Variants in HERC1 observed in about 807,000 individuals in gnomAD.
HERC1 encodes probable E3 ubiquitin-protein ligase HERC1.
A neutral mutation model predicts 554.3 loss-of-function variants in HERC1; 160 were observed. That is an observed-to-expected ratio of 0.29 (90% confidence interval 0.25 to 0.33). HERC1 has a LOEUF of 0.33. HERC1 is among the 10% of genes least tolerant of loss of function. The pLI is 1.00. For synonymous variants in HERC1, 2,175 were observed against 2,131.7 expected (o/e 1.02, Z -0.56); for missense variants, 4,919 against 5,918.5 (o/e 0.83, Z 5.54).
chr15:63,729,094 C>A, intron 16 of HERC1, 142 bp downstream of exon 16: 1 of 792,774 alleles, frequency 1.3e-6, no homozygotes, highest in African/African-American at 1.7e-5. Flanking sequence ...TACCCCCAAA[C>A]CAAGACTAAA....
At position 63,649,788 on chromosome 15, in the gene HERC1, T is replaced by A; in HGVS notation, c.10684A>T (p.Ile3562Phe). The change falls in exon 54 of 78, where the codon ATT becomes TTT. Residue 3562 changes from isoleucine to phenylalanine, a missense_variant. This residue lies in a region of HERC1 where 1,963 missense variants were observed against 2,228.6 expected (regional missense o/e 0.88). Transcript: ENST00000443617. ...VGRMDGSLGL[I>F]EVVDVSTMHR... ...ATGGTGGACACATCAACAACTTCAATCAGTCCCAGAGATCCATCCATCCGT... is the reference window on the plus strand; with the variant it reads ...ATGGTGGACACATCAACAACTTCAAACAGTCCCAGAGATCCATCCATCCGT... The A allele has an allele frequency of 6.2e-7, 1 of 1,613,680 alleles. No individual in the cohort carries two copies. The highest frequency in any genetic ancestry group is 8.5e-7 in the Non-Finnish European group (1 of 1,179,802).
chr15:63,713,627 G>A lies in HERC1; in HGVS notation c.4189C>T (p.Arg1397Cys), dbSNP rs759913014. 31 of 1,612,464 alleles carry A rather than the reference G, an allele frequency of 1.9e-5. No homozygotes were observed. Among genetic ancestry groups the A allele is most frequent in the African/African-American group, 8.0e-5 (6 of 74,852 alleles). The stretch of plus-strand genomic sequence containing the variant: ...TTCATTCTATCTCGGTCTCGGCTAC[G>A]AGCTACTTCACGGGCTGAGAGGAAA... ...QCFLSAREVA[R>C]SRDRDRMNSG... is the part of the protein sequence containing the mutation. Residue 1397 changes from arginine (R) to cysteine (C), a missense_variant, in exon 23 of 78, where the codon CGT (arginine) becomes TGT (cysteine). Arg to Cys is a radical substitution (Grantham distance 180, BLOSUM62 -3). Transcript: ENST00000443617.
intron 12 of HERC1, among the ~76,000 whole-genome samples, chr15:63,740,931 T>A (rs967946611): frequency 2.0e-5 from 3 of 152,220 alleles, no homozygotes; most frequent in African/African-American, 7.2e-5. Context: ...TTTGATGATG[T>A]CCAATTTATT....
chr15:63,672,410 G>A (rs978945596), intron 39 of HERC1, 86 bp downstream of exon 39: 105 of 865,858 alleles, frequency 1.2e-4, no homozygotes, highest in Non-Finnish European at 1.7e-4. Flanking sequence ...CCAAGATTCA[G>A]TTGGGCATAC....
intron 44 of HERC1, 22 bp downstream of exon 44, chr15:63,662,961 GC>G: frequency 6.3e-7 from 1 of 1,582,132 alleles, no homozygotes; most frequent in Non-Finnish European, 8.7e-7. Flanking sequence ...AGTCAGAGCA[GC>G]CCCCGCTGCA....
chr15:63,685,421 A>C (rs1165130124), intron 34 of HERC1, among the ~76,000 whole-genome samples: 1 of 152,248 alleles, frequency 6.6e-6, no homozygotes, highest in Non-Finnish European at 1.5e-5. Flanking sequence ...GGCAACACAT[A>C]TACCCTAAGG....
At position 63,661,905 on chromosome 15, in the gene HERC1, T is replaced by C; in HGVS notation, c.9018A>G (p.Ala3006=). Residue 3006 remains alanine (A), a synonymous_variant, in exon 45 of 78, where the codon GCA becomes GCG. Coordinates refer to ENST00000443617, the MANE Select transcript of HERC1 (RefSeq NM_003922.4). The part of the protein sequence containing the change: ...KRNHPGCGRS[A]NRQGYRSNGS... ...CATTGCTGCGATAGCCCTGGCGGTTTGCACTGCGCCCACAGCCTGGATGGT... is the reference window on the plus strand; with the variant it reads ...CATTGCTGCGATAGCCCTGGCGGTTCGCACTGCGCCCACAGCCTGGATGGT... 1 of 1,614,034 alleles carries C rather than the reference T, an allele frequency of 6.2e-7. No individual in the cohort carries two copies. Among genetic ancestry groups the C allele is most frequent in the Non-Finnish European group, 8.5e-7 (1 of 1,179,898 alleles).
At chr15:63,821,640 C>T (rs1030662509) in intron 1 of HERC1, among the ~76,000 whole-genome samples, 1 of 143,188 alleles carries the variant, frequency 7.0e-6, no homozygotes, top group Non-Finnish European at 1.5e-5. Flanking sequence ...GTGGGAGGAT[C>T]ACCTGAGTCT....
intron 13 of HERC1, 120 bp from the exon 14 acceptor site, chr15:63,733,265 A>G (rs1445999039): frequency 3.0e-6 from 2 of 665,878 alleles, no homozygotes; most frequent in Non-Finnish European, 5.2e-6. Context: ...AATCATCTTC[A>G]GGAAGTACAT....
chr15:63,680,122 C>G lies in HERC1; in HGVS notation c.6504G>C (p.Glu2168Asp). Residue 2168 changes from glutamate (E) to aspartate (D), a missense_variant, in exon 36 of 78, where the codon GAG (glutamate) becomes GAC (aspartate). Glu to Asp is a conservative substitution (Grantham distance 45, BLOSUM62 2). Coordinates refer to ENST00000443617, the MANE Select transcript of HERC1 (RefSeq NM_003922.4). The surrounding 1 kb of genome is among the most constrained non-coding windows in gnomAD (Gnocchi z 5.8). Reference protein sequence around the residue: ...KLAFEDVDAAELYPCVMFYSS... With the variant: ...KLAFEDVDAADLYPCVMFYSS... ...TATAGAACATCACACATGGGTACAA[C>G]TCTGCTGCATCCACATCTTCAAAAG... 3.1e-6 allele frequency: 5 copies of G among 1,613,470 alleles called. No homozygotes were observed. Among genetic ancestry groups the G allele is most frequent in the Non-Finnish European group, 4.2e-6 (5 of 1,179,570 alleles).
At chr15:63,630,385 C>T in intron 69 of HERC1, 81 bp downstream of exon 69, 1 of 1,381,154 alleles carries the variant, frequency 7.2e-7, no homozygotes, top group East Asian at 2.3e-5. Context: ...TATGAATTTC[C>T]TAGCTTATCT....
chr15:63,671,118 G>A (rs777293656), intron 39 of HERC1, among the ~76,000 whole-genome samples: 1 of 150,716 alleles, frequency 6.6e-6, no homozygotes, highest in African/African-American at 2.4e-5. Flanking sequence ...CAGGAGAATC[G>A]CTTGAACTCA....
chr15:63,786,649 A>G (rs1438045409), intron 1 of HERC1, among the ~76,000 whole-genome samples: 2 of 152,250 alleles, frequency 1.3e-5, no homozygotes, highest in Admixed American at 6.5e-5. Flanking sequence ...TGCCAGATAT[A>G]AAAGGCTATA....
intron 33 of HERC1, among the ~76,000 whole-genome samples, chr15:63,689,157 TAACAA>T (rs1340329247): frequency 6.6e-6 from 1 of 152,014 alleles, no homozygotes; most frequent in East Asian, 1.9e-4. Flanking sequence ...GTTTTGAAAA[TAACAA>T]AAGGCTAGAG....
intron 55 of HERC1, 101 bp downstream of exon 55, chr15:63,647,968 T>C (rs1024882649): frequency 7.7e-6 from 7 of 905,962 alleles, no homozygotes; most frequent in Non-Finnish European, 1.2e-5. Flanking sequence ...ATTTGGGTGA[T>C]GGATATCTTA....
chr15:63,629,016 T>C (rs1209195622), intron 69 of HERC1, among the ~76,000 whole-genome samples: 1 of 151,350 alleles, frequency 6.6e-6, no homozygotes, highest in Non-Finnish European at 1.5e-5. Flanking sequence ...AGTGGCACAA[T>C]CTCAGCTCAC....
chr15:63,662,316 A>T (rs569621193), intron 44 of HERC1, among the ~76,000 whole-genome samples: 150 of 149,418 alleles, frequency 1.0e-3, no homozygotes, highest in Non-Finnish European at 1.2e-3. Flanking sequence ...GAGGCTTTTT[A>T]AAAAAAAAAC....
chr15:63,735,811 T>TA lies in HERC1; in HGVS notation c.2521-963dup, dbSNP rs1370818668. The stretch of plus-strand genomic sequence containing the variant: ...GAAAAATTCAAGTACACAAGAAGAA[T>TA]AACCCTTCCATCCAAAAGCATGTGT... On this transcript the variant is annotated intron_variant, in intron 12 of 77. Transcript: ENST00000443617. 5.9e-5 allele frequency among the ~76,000 whole-genome samples: 9 copies of TA among 152,294 alleles called. No homozygotes were observed. The South Asian group carries it at 1.7e-3, about 28-fold the overall frequency.
intron 1 of HERC1, among the ~76,000 whole-genome samples, chr15:63,810,004 T>C (rs2077252035): frequency 6.6e-6 from 1 of 152,040 alleles, no homozygotes; most frequent in Admixed American, 6.6e-5. Flanking sequence ...CCACAAATAA[T>C]AAACTGGTTA....
Sources: gnomAD v4.1 joint callset for allele counts (sites outside exome capture counted in the v4.1 genomes callset) on GRCh38, gnomAD v4.1.1 for gene constraint, gnomAD v4.1.1 regional missense constraint, Gnocchi (gnomAD v3.1) non-coding constraint, MANE v1.5 for transcripts, NCBI Gene and HGNC (gene_info 2026-07-23, HGNC 2026-07-21) for gene names.